Variants in PEAK1 observed in about 807,000 individuals in gnomAD.
The protein encoded by PEAK1 is pseudopodium enriched atypical kinase 1, also known as inactive tyrosine-protein kinase PEAK1.
Under a neutral mutation model 124.7 loss-of-function variants are expected in PEAK1, and 54 were observed. That is an observed-to-expected ratio of 0.43 (90% CI 0.35 to 0.54). The LOEUF is 0.54. PEAK1 is among the 20% of genes least tolerant of loss of function. PEAK1 has a pLI of 0.01. For synonymous variants in PEAK1, 719 were observed against 760.0 expected (o/e 0.95, Z 0.89); for missense variants, 2,046 against 2,134.5 (o/e 0.96, Z 0.82).
chr15:77,120,961 A>G (rs1027864455), intron 9 of PEAK1, among the ~76,000 whole-genome samples: 4 of 152,166 alleles, frequency 2.6e-5, no homozygotes, highest in African/African-American at 4.8e-5. Context: ...ACTTTATCAG[A>G]GAGAGGAAGT....
At chr15:77,286,934 C>T (rs1016879345) in intron 2 of PEAK1, among the ~76,000 whole-genome samples, 2 of 151,970 alleles carry the variant, frequency 1.3e-5, no homozygotes, top group African/African-American at 4.8e-5. Flanking sequence ...TTTGATAATC[C>T]AAAAGAAGCT....
intron 6 of PEAK1, among the ~76,000 whole-genome samples, chr15:77,239,205 C>T (rs2060252485): frequency 6.6e-6 from 1 of 152,108 alleles, no homozygotes; most frequent in Non-Finnish European, 1.5e-5. Flanking sequence ...GGAAAATGTG[C>T]TTTTTTACTA....
Position 77,130,224 on chromosome 15 carries a change from C to T in PEAK1, c.4077+2781G>A, listed in dbSNP as rs145130043. Among the ~76,000 whole-genome samples the T allele has an allele frequency of 2.3e-4, 35 of 152,238 alleles. No individual in the cohort carries two copies. The East Asian group carries it at 5.4e-3, about 23-fold the overall frequency. ...TTGAAAGAACAGATAGTTCAATGTC[C>T]CTTTCTGAAACAGGTACTCATCCTG... On this transcript the variant is annotated intron_variant, in intron 9 of 9. Transcript: ENST00000682557.
chr15:77,348,592 G>A (rs1269594311), intron 2 of PEAK1: 16 of 979,192 alleles, frequency 1.6e-5, no homozygotes, highest in Non-Finnish European at 1.8e-5. Flanking sequence ...AAAGCAGGCA[G>A]AAAAAGGGCT....
At chr15:77,266,482 C>T (rs1435066708) in intron 5 of PEAK1, among the ~76,000 whole-genome samples, 1 of 152,034 alleles carries the variant, frequency 6.6e-6, no homozygotes, top group Non-Finnish European at 1.5e-5. Context: ...AACATCCTTT[C>T]CCCCTGCCAG....
At position 77,180,909 on chromosome 15, in the gene PEAK1, C is replaced by T. The variant is rs757719535; in HGVS notation, c.1018G>A (p.Asp340Asn). The change falls in exon 7 of 10, where the codon GAC becomes AAC. Residue 340 changes from aspartate to asparagine, a missense_variant. Transcript: ENST00000682557. ...QGSIQSMVSS[D>N]STSPDSSLTE... ...AAAGAAGAATCTGGTGATGTGGAGT[C>T]AGATGACACCATGCTCTGAATGCTT... 7.2e-5 allele frequency: 116 copies of T among 1,614,060 alleles called. No homozygotes were observed. Among genetic ancestry groups the T allele is most frequent in the Non-Finnish European group, 9.7e-5 (114 of 1,180,006 alleles).
chr15:77,367,245 T>G (rs184469691), intron 1 of PEAK1, among the ~76,000 whole-genome samples: 1 of 152,186 alleles, frequency 6.6e-6, no homozygotes, highest in Non-Finnish European at 1.5e-5. Context: ...CAGAAGAAAC[T>G]GTGTAAAGGG....
intron 2 of PEAK1, among the ~76,000 whole-genome samples, chr15:77,330,188 A>C (rs1243701465): frequency 6.6e-6 from 1 of 152,164 alleles, no homozygotes; most frequent in African/African-American, 2.4e-5. Context: ...TACCAAATAG[A>C]GATTAACTAT....
Position 77,181,802 on chromosome 15 carries a change from T to C in PEAK1, c.125A>G (p.Asn42Ser), listed in dbSNP as rs1364594599. 1 of 1,614,136 alleles carries C rather than the reference T, an allele frequency of 6.2e-7. No homozygotes were observed. Among genetic ancestry groups the C allele is most frequent in the Non-Finnish European group, 8.5e-7 (1 of 1,179,968 alleles). The change falls in exon 7 of 10, where the codon AAT becomes AGT. Residue 42 changes from asparagine to serine, a missense_variant. Transcript: ENST00000682557. ...DPEKAPITHG[N>S]VKTNANHSNN... ...ACTGTGATTGGCATTAGTTTTCACATTGCCATGGGTGATGGGTGCCTTCTC... is the reference window on the plus strand; with the variant it reads ...ACTGTGATTGGCATTAGTTTTCACACTGCCATGGGTGATGGGTGCCTTCTC...
intron 5 of PEAK1, among the ~76,000 whole-genome samples, chr15:77,257,512 G>A (rs2061215601): frequency 1.3e-5 from 2 of 151,080 alleles, no homozygotes; most frequent in Admixed American, 6.6e-5. Context: ...TCTTTTGGCT[G>A]CATAAATGTC....
At chr15:77,189,750 T>C (rs987663094) in intron 6 of PEAK1, among the ~76,000 whole-genome samples, 1 of 151,994 alleles carries the variant, frequency 6.6e-6, no homozygotes, top group African/African-American at 2.4e-5. Flanking sequence ...AAGTGGCTGG[T>C]TGAGAGTGAG....
intron 1 of PEAK1, chr15:77,402,185 G>C (rs1259243269): frequency 1.0e-6 from 1 of 953,574 alleles, no homozygotes; most frequent in Admixed American, 7.2e-5. Flanking sequence ...AAAAAAAAGG[G>C]ACCAGATTTC....
At chr15:77,183,605 G>A (rs114234044) in intron 6 of PEAK1, among the ~76,000 whole-genome samples, 1,912 of 151,434 alleles carry the variant, frequency 0.013, 48 homozygotes, top group African/African-American at 0.044. Flanking sequence ...ATAAAATATT[G>A]TACCTAAATA....
chr15:77,402,951 T>TG (rs1158976851), intron 1 of PEAK1: 14 of 985,296 alleles, frequency 1.4e-5, no homozygotes, highest in African/African-American at 1.7e-5. Context: ...TTCATGAAGA[T>TG]CACTTTGAAA....
intron 6 of PEAK1, among the ~76,000 whole-genome samples, chr15:77,193,329 C>A (rs752703428): frequency 3.3e-4 from 50 of 152,026 alleles, no homozygotes; most frequent in Non-Finnish European, 6.2e-4. Context: ...TTAATTTGAT[C>A]AGCTTAAATT....
chr15:77,384,348 A>G (rs2141848978), intron 1 of PEAK1, among the ~76,000 whole-genome samples: 1 of 152,340 alleles, frequency 6.6e-6, no homozygotes, highest in Middle Eastern at 3.4e-3. Context: ...AACTTCAGTC[A>G]GTATGTCAGT....
intron 5 of PEAK1, among the ~76,000 whole-genome samples, chr15:77,275,599 C>T (rs980040383): frequency 1.3e-5 from 2 of 151,740 alleles, no homozygotes; most frequent in Non-Finnish European, 2.9e-5. Context: ...GCCTGTAATC[C>T]CAGCTACTCA....
At chr15:77,402,520 A>G (rs1275836371) in intron 1 of PEAK1, 1 of 964,044 alleles carries the variant, frequency 1.0e-6, no homozygotes, top group Non-Finnish European at 1.2e-6. Context: ...GTATATAATT[A>G]TCATGTGAAG....
chr15:77,352,170 C>T (rs1597401231), intron 2 of PEAK1: 2 of 976,458 alleles, frequency 2.0e-6, no homozygotes, highest in Non-Finnish European at 2.4e-6. Context: ...CACCACTGCA[C>T]TGCAGCCTCC....
Sources: allele counts gnomAD v4.1 joint callset (sites outside exome capture counted in the v4.1 genomes callset), GRCh38; gene constraint gnomAD v4.1.1; transcripts MANE v1.5; gene names NCBI Gene and HGNC (gene_info 2026-07-23, HGNC 2026-07-21).